Variants in TP53BP2 observed in about 807,000 individuals in gnomAD.
TP53BP2 encodes the protein apoptosis-stimulating of p53 protein 2.
Under a neutral mutation model 126.2 loss-of-function variants are expected in TP53BP2, and 62 were observed. That is an observed-to-expected ratio of 0.49 (90% CI 0.40 to 0.61). The LOEUF (loss-of-function observed/expected upper bound fraction) is 0.61. TP53BP2 is among the 20% of genes least tolerant of loss of function. The pLI is 0.00. For synonymous variants in TP53BP2, 485 were observed against 502.9 expected (o/e 0.96, Z 0.48); for missense variants, 1,215 against 1,402.8 (o/e 0.87, Z 2.14).
intron 1 of TP53BP2, among the ~76,000 whole-genome samples, chr1:223,840,188 A>C (rs1182727353): frequency 6.6e-6 from 1 of 152,224 alleles, no homozygotes; most frequent in Non-Finnish European, 1.5e-5. Context: ...GAAATCACTG[A>C]CTACTTAAAA....
At chr1:223,813,367 T>C (rs1662978035) in intron 3 of TP53BP2, among the ~76,000 whole-genome samples, 1 of 152,114 alleles carries the variant, frequency 6.6e-6, no homozygotes, top group African/African-American at 2.4e-5. Flanking sequence ...ATTCAAACCT[T>C]CTGTTTTTTG....
At chr1:223,816,901 T>C (rs902765634) in intron 2 of TP53BP2, among the ~76,000 whole-genome samples, 1 of 150,774 alleles carries the variant, frequency 6.6e-6, no homozygotes, top group Non-Finnish European at 1.5e-5. Flanking sequence ...GGCTCACACC[T>C]GTAATCCCAA....
rs1485803974 is a variant in TP53BP2, at chr1:223,810,474, T to C, written c.329A>G (p.Asn110Ser). The change falls in exon 4 of 18, where the codon AAT becomes AGT. Residue 110 changes from asparagine (N) to serine (S), a missense_variant. Physicochemically the swap from Asn to Ser is conservative, Grantham distance 46. Around this residue, in one of 4 missense-constraint regions of TP53BP2, gnomAD observed 814 missense variants for 853.0 expected, o/e 0.95. Coordinates refer to ENST00000343537, the MANE Select transcript of TP53BP2 (RefSeq NM_001031685.3). Reference sequence around the variant, plus strand: ...ATATTCACCAGGAACTTTTACACCATTTCTTTTTAAACTTGGATCCTGAGA... The same window carrying C: ...ATATTCACCAGGAACTTTTACACCACTTCTTTTTAAACTTGGATCCTGAGA... ...PRSQDPSLKR[N>S]GVKVPGEYRR... 6.2e-7 allele frequency: 1 copy of C among 1,609,648 alleles called. No individual in the cohort carries two copies. The highest frequency in any genetic ancestry group is 8.5e-7 in the Non-Finnish European group (1 of 1,177,816).
chr1:223,837,063 A>G (rs1663944347), intron 1 of TP53BP2, among the ~76,000 whole-genome samples: 1 of 150,678 alleles, frequency 6.6e-6, no homozygotes, highest in Admixed American at 6.7e-5. Context: ...ACCGTTCTAG[A>G]ATTAAAGTTA....
At chr1:223,786,619 TC>T (rs368634019) in intron 16 of TP53BP2, among the ~76,000 whole-genome samples, 2 of 151,568 alleles carry the variant, frequency 1.3e-5, no homozygotes, top group African/African-American at 2.4e-5. Context: ...TATTTTTTTT[TC>T]CCCCGAGATG....
At chr1:223,792,687 T>C (rs943219660) in intron 14 of TP53BP2, among the ~76,000 whole-genome samples, 165 bp from the exon 15 acceptor site, 8 of 151,916 alleles carry the variant, frequency 5.3e-5, no homozygotes, top group Non-Finnish European at 7.4e-5. Context: ...CAAGAACAAT[T>C]CTAGAAATAA....
chr1:223,819,128 G>A (rs1191405094), intron 2 of TP53BP2, among the ~76,000 whole-genome samples: 1 of 150,962 alleles, frequency 6.6e-6, no homozygotes, highest in Non-Finnish European at 1.5e-5. Flanking sequence ...AGGTTGCAGT[G>A]AGCCGAGATC....
chr1:223,791,915 A>G (rs1662168424), intron 15 of TP53BP2, among the ~76,000 whole-genome samples: 1 of 152,200 alleles, frequency 6.6e-6, no homozygotes, highest in Non-Finnish European at 1.5e-5. Flanking sequence ...CATCACTTGC[A>G]GTACCGCTTG....
At chr1:223,810,010 G>A (rs1474855759) in intron 4 of TP53BP2, among the ~76,000 whole-genome samples, 1 of 152,076 alleles carries the variant, frequency 6.6e-6, no homozygotes. Context: ...ATTTTTAGTG[G>A]AGATGGGGTT....
chr1:223,831,481 ATATATATATATATATATAT>A (rs1275278333), intron 1 of TP53BP2, among the ~76,000 whole-genome samples: 7 of 35,470 alleles, frequency 2.0e-4, no homozygotes, highest in Admixed American at 3.9e-4. Context: ...AAAAAAAAAA[ATATATATATATATATATAT>A]ATATATATAT....
At chr1:223,806,727 G>A (rs544265740) in intron 5 of TP53BP2, 119 bp downstream of exon 5, 2 of 702,812 alleles carry the variant, frequency 2.8e-6, no homozygotes, top group East Asian at 2.9e-5. Context: ...GAGAGGCTGA[G>A]ACAGGAGAAT....
intron 1 of TP53BP2, among the ~76,000 whole-genome samples, chr1:223,825,543 T>C (rs1663462662): frequency 6.6e-6 from 1 of 152,226 alleles, no homozygotes; most frequent in Non-Finnish European, 1.5e-5. Flanking sequence ...GTATGGCATG[T>C]AGCGTGTAGC....
chr1:223,844,675 T>C (rs1664210348), intron 1 of TP53BP2, among the ~76,000 whole-genome samples: 2 of 152,182 alleles, frequency 1.3e-5, no homozygotes, highest in African/African-American at 4.8e-5. Context: ...CAGTGAGAGT[T>C]TGGGACGCCC....
intron 13 of TP53BP2, among the ~76,000 whole-genome samples, chr1:223,795,542 T>C (rs1191687700): frequency 1.3e-5 from 2 of 152,132 alleles, no homozygotes; most frequent in Admixed American, 1.3e-4. Context: ...TTCCCTAATA[T>C]GTCACATCAG....
intron 1 of TP53BP2, among the ~76,000 whole-genome samples, chr1:223,828,165 T>C (rs1663566328): frequency 1.3e-5 from 2 of 152,326 alleles, no homozygotes; most frequent in South Asian, 4.1e-4. Context: ...TTCCTGCATC[T>C]GATACCAAAA....
intron 1 of TP53BP2, among the ~76,000 whole-genome samples, chr1:223,821,691 T>C (rs561112791): frequency 2.2e-4 from 34 of 152,332 alleles, no homozygotes; most frequent in Middle Eastern, 3.4e-3. Context: ...TACAAATATA[T>C]CTTCCTGTCA....
chr1:223,804,363 A>G lies in TP53BP2; in HGVS notation c.475-15T>C. 1.9e-6 allele frequency: 3 copies of G among 1,611,350 alleles called. No homozygotes were observed. The highest frequency in any genetic ancestry group is 2.5e-6 in the Non-Finnish European group (3 of 1,179,156). ...AAGCGCTGTTCCTAAAAATAAAAGT[A>G]ATCATTAGGTATGTCATTTTAGGTA... On this transcript the variant is annotated splice_polypyrimidine_tract_variant and intron_variant, in intron 5 of 17. Transcript: ENST00000343537.
intron 1 of TP53BP2, among the ~76,000 whole-genome samples, chr1:223,842,338 AT>A (rs1011571103): frequency 6.6e-6 from 1 of 152,232 alleles, no homozygotes; most frequent in Non-Finnish European, 1.5e-5. Flanking sequence ...CTATTTAAAT[AT>A]AATTAAAATT....
At chr1:223,823,562 T>G (rs1663389440) in intron 1 of TP53BP2, among the ~76,000 whole-genome samples, 1 of 152,232 alleles carries the variant, frequency 6.6e-6, no homozygotes, top group Non-Finnish European at 1.5e-5. Context: ...GCTCTCAAGC[T>G]AATTATCTCA....
Sources: gnomAD v4.1 joint callset for allele counts (sites outside exome capture counted in the v4.1 genomes callset) on GRCh38, gnomAD v4.1.1 for gene constraint, gnomAD v4.1.1 regional missense constraint, MANE v1.5 for transcripts, NCBI Gene and HGNC (gene_info 2026-07-23, HGNC 2026-07-21) for gene names.